Variants in FBN2 observed in about 807,000 individuals in gnomAD.
FBN2 encodes fibrillin 2, also known as fibrillin-2.
Under a neutral mutation model 355.6 loss-of-function variants are expected in FBN2, and 105 were observed. The ratio of observed to expected loss-of-function variants is 0.30; its 90% CI spans 0.25 to 0.35. The LOEUF is 0.35. FBN2 is among the 10% of genes least tolerant of loss of function. The pLI, the probability that FBN2 is intolerant of heterozygous loss-of-function variation, is 1.00. For missense variants in FBN2, 3,280 were observed against 3,758.7 expected (o/e 0.87, Z 3.33); for synonymous variants, 1,350 against 1,301.2 (o/e 1.04, Z -0.81).
chr5:128,450,786 A>T (rs576235251), intron 6 of FBN2, among the ~76,000 whole-genome samples: 15 of 152,274 alleles, frequency 9.9e-5, no homozygotes, highest in Admixed American at 2.0e-4. Flanking sequence ...AACACTGTAT[A>T]TAAAAATAAA....
intron 55 of FBN2, among the ~76,000 whole-genome samples, chr5:128,286,297 C>G (rs763835512): frequency 1.8e-4 from 28 of 152,168 alleles, no homozygotes; most frequent in Admixed American, 3.3e-4. Flanking sequence ...GAAACTCACT[C>G]TTTTGTAAAA....
At chr5:128,319,127 TC>T in intron 34 of FBN2, 126 bp from the exon 35 acceptor site, 1 of 733,200 alleles carries the variant, frequency 1.4e-6, no homozygotes. Flanking sequence ...TTTTTTTTTC[TC>T]TTTTTTGGCT....
At chr5:128,321,643 T>C (rs28579194) in intron 34 of FBN2, among the ~76,000 whole-genome samples, 11,990 of 152,288 alleles carry the variant, frequency 0.079, 622 homozygotes, top group Non-Finnish European at 0.12. Context: ...TATGGTTGCA[T>C]AGTATTCCAT....
chr5:128,537,406 C>T lies in FBN2; in HGVS notation c.198G>A (p.Glu66=), dbSNP rs1756883774. 1.2e-6 allele frequency: 2 copies of T among 1,610,340 alleles called. No individual in the cohort carries two copies. Among genetic ancestry groups the T allele is most frequent in the South Asian group, 2.2e-5 (2 of 90,576 alleles). Residue 66 remains glutamate, a synonymous_variant, in exon 1 of 65, where the codon GAG becomes GAA. Transcript: ENST00000262464. The part of the protein sequence containing the change: ...GGFLAPEYRE[E]GAAVASRVRR... ...GGACGCGGCTGGCCACTGCGGCACC[C>T]TCCTCGCGATACTCGGGCGCTAGAA...
intron 4 of FBN2, among the ~76,000 whole-genome samples, chr5:128,523,878 A>C (rs1756499176): frequency 6.6e-6 from 1 of 152,002 alleles, no homozygotes; most frequent in African/African-American, 2.4e-5. Flanking sequence ...CAGCTGCAGC[A>C]TTGTTCACTA....
At chr5:128,467,087 C>G (rs1056946769) in intron 5 of FBN2, among the ~76,000 whole-genome samples, 1 of 152,138 alleles carries the variant, frequency 6.6e-6, no homozygotes, top group Non-Finnish European at 1.5e-5. Flanking sequence ...TCTGCACAGT[C>G]TCCCTCATAA....
chr5:128,535,613 G>A (rs1233908141), intron 2 of FBN2, among the ~76,000 whole-genome samples: 1 of 152,184 alleles, frequency 6.6e-6, no homozygotes, highest in Non-Finnish European at 1.5e-5. Flanking sequence ...CAGAGTCCGT[G>A]ACTGTGAGGC....
intron 7 of FBN2, among the ~76,000 whole-genome samples, chr5:128,427,090 C>G (rs753459995): frequency 6.6e-6 from 1 of 152,174 alleles, no homozygotes; most frequent in Non-Finnish European, 1.5e-5. Flanking sequence ...AAATATCTAT[C>G]TAGCTGTCTA....
At position 128,433,074 on chromosome 5, in the gene FBN2, G is replaced by A. The variant is rs904252986; in HGVS notation, c.952+13407C>T. Among the ~76,000 whole-genome samples, 6 of 152,102 alleles carry A rather than the reference G, an allele frequency of 3.9e-5. 1 individual carries two copies. Among genetic ancestry groups the A allele is most frequent in the African/African-American group, 1.4e-4 (6 of 41,420 alleles). On this transcript the variant is annotated intron_variant, in intron 7 of 64. Coordinates refer to ENST00000262464, the MANE Select transcript of FBN2 (RefSeq NM_001999.4). ...TCCCACCAAGTCCTTCCTTCAACAT[G>A]TGGAGATTATGGGGATTAAAATTCA...
rs950688484 is a variant in FBN2 at position 128,277,872 on chromosome 5, A to G, written c.7471+8T>C. The G allele has an allele frequency of 1.9e-6, 3 of 1,614,144 alleles. No individual in the cohort carries two copies. Among genetic ancestry groups the G allele is most frequent in the Admixed American group, 3.3e-5 (2 of 60,018 alleles). ...CAAACCCCTGGATATAGAGGTGCCC[A>G]TCGTTACCTATACAAGAGGTTCCAC... On this transcript the variant is annotated splice_region_variant and intron_variant, in intron 58 of 64. Transcript: ENST00000262464.
chr5:128,512,025 C>T (rs1230421026), intron 5 of FBN2, among the ~76,000 whole-genome samples: 1 of 152,086 alleles, frequency 6.6e-6, no homozygotes, highest in Non-Finnish European at 1.5e-5. Flanking sequence ...CATGTCAAAA[C>T]AAGATAAGTA....
intron 5 of FBN2, among the ~76,000 whole-genome samples, chr5:128,502,543 G>A (rs775106731): frequency 1.4e-4 from 22 of 152,188 alleles, no homozygotes; most frequent in Admixed American, 9.2e-4. Flanking sequence ...CTCAAGCAGA[G>A]CCTAGAAAAA....
chr5:128,389,529 G>A (rs1056189992), intron 11 of FBN2, among the ~76,000 whole-genome samples: 1 of 152,204 alleles, frequency 6.6e-6, no homozygotes, highest in Non-Finnish European at 1.5e-5. Context: ...GGGCAAGACT[G>A]CTCTGCTCTG....
At position 128,369,285 on chromosome 5, in the gene FBN2, A is replaced by C; in HGVS notation, c.2145T>G (p.Cys715Trp). ...TCYGGIKKGV[C>W]VRPFPGAVTK... ...TCACTGCACCGGGGAAAGGACGCAC[A>C]CACACTCCTTTCTTGATTCCTCCAT... Residue 715 changes from cysteine to tryptophan, a missense_variant, in exon 16 of 65, where the codon TGT (cysteine) becomes TGG (tryptophan). Cys to Trp is a radical substitution (Grantham distance 215, BLOSUM62 -2). This residue lies in a region of FBN2 where 2,284 missense variants were observed against 2,749.5 expected (regional missense o/e 0.83). Transcript: ENST00000262464. 6.2e-7 allele frequency: 1 copy of C among 1,614,020 alleles called. No individual in the cohort carries two copies. Among genetic ancestry groups the C allele is most frequent in the Non-Finnish European group, 8.5e-7 (1 of 1,179,918 alleles).
chr5:128,351,055 G>C, intron 20 of FBN2, 50 bp from the exon 21 acceptor site: 2 of 1,606,650 alleles, frequency 1.2e-6, no homozygotes, highest in Non-Finnish European at 1.7e-6. Flanking sequence ...GAAGAAAATA[G>C]AATTCAGCTG....
intron 6 of FBN2, 93 bp from the exon 7 acceptor site, chr5:128,446,699 C>T: frequency 7.3e-7 from 1 of 1,368,984 alleles, no homozygotes; most frequent in Non-Finnish European, 1.0e-6. Context: ...AAACATTCTT[C>T]TAAGAAACTC....
At chr5:128,413,543 G>A (rs1439712324) in intron 7 of FBN2, among the ~76,000 whole-genome samples, 2 of 152,178 alleles carry the variant, frequency 1.3e-5, no homozygotes, top group Admixed American at 1.3e-4. Context: ...CCATCTGACA[G>A]ATTTCTGACT....
intron 11 of FBN2, among the ~76,000 whole-genome samples, chr5:128,385,267 C>T (rs1257916388): frequency 3.3e-5 from 5 of 152,112 alleles, no homozygotes; most frequent in Middle Eastern, 3.2e-3. Context: ...TTCACATGTA[C>T]TGAATGTTTA....
At chr5:128,421,949 A>G (rs1023451684) in intron 7 of FBN2, among the ~76,000 whole-genome samples, 4 of 152,218 alleles carry the variant, frequency 2.6e-5, no homozygotes, top group Non-Finnish European at 4.4e-5. Context: ...CAATGTAATT[A>G]CAAGAATCCT....
Sources: allele counts gnomAD v4.1 joint callset (sites outside exome capture counted in the v4.1 genomes callset), GRCh38; gene constraint gnomAD v4.1.1; regional missense constraint gnomAD v4.1.1; transcripts MANE v1.5; gene names NCBI Gene and HGNC (gene_info 2026-07-23, HGNC 2026-07-21).